Variants in FRYL observed in about 807,000 individuals in gnomAD.
The protein encoded by FRYL is FRY like transcription coactivator, also known as protein furry homolog-like.
Under a neutral mutation model 351.2 loss-of-function variants are expected in FRYL, and 150 were observed. The observed-to-expected ratio is 0.43, with a 90% CI of 0.37 to 0.49. FRYL has a LOEUF of 0.49. Among genes scored for constraint, FRYL ranks in the 20% least tolerant of loss-of-function variants. The pLI is 0.00. For missense variants in FRYL, 3,036 were observed against 3,619.3 expected (o/e 0.84, Z 4.13); for synonymous variants, 1,153 against 1,257.1 (o/e 0.92, Z 1.75).
At chr4:48,769,821 G>A (rs1775329221) in intron 1 of FRYL, among the ~76,000 whole-genome samples, 1 of 152,168 alleles carries the variant, frequency 6.6e-6, no homozygotes, top group East Asian at 1.9e-4. Context: ...AAAGTCAATC[G>A]CAAAAGGTTA....
At chr4:48,526,145 A>AT (rs1726177902) in intron 53 of FRYL, among the ~76,000 whole-genome samples, 1 of 152,174 alleles carries the variant, frequency 6.6e-6, no homozygotes. Context: ...TATGAATAGT[A>AT]TATGTATATG....
intron 35 of FRYL, among the ~76,000 whole-genome samples, chr4:48,556,670 C>T (rs1161939574): frequency 6.6e-6 from 1 of 152,064 alleles, no homozygotes; most frequent in African/African-American, 2.4e-5. Flanking sequence ...TTTTTATAGC[C>T]TTTATCACAC....
At chr4:48,714,335 C>T (rs4695399) in intron 1 of FRYL, among the ~76,000 whole-genome samples, 128,378 of 130,742 alleles carry the variant, frequency 0.98, 63,069 homozygotes, top group South Asian at 1. Flanking sequence ...ATCCAGGAGC[C>T]GGTTTTTTGA....
intron 47 of FRYL, among the ~76,000 whole-genome samples, chr4:48,537,208 T>C (rs563459295): frequency 5.5e-4 from 84 of 152,330 alleles, no homozygotes; most frequent in Non-Finnish European, 1.1e-3. Flanking sequence ...ATTCTTACAT[T>C]CTTAAATAAT....
At chr4:48,710,452 G>A in intron 2 of FRYL, 67 bp downstream of exon 2, 1 of 398,458 alleles carries the variant, frequency 2.5e-6, no homozygotes, top group South Asian at 1.3e-4. Context: ...AGCAAAAAGT[G>A]CAGGTATTAA....
chr4:48,645,127 T>TATATATATATATATATAC (rs1404758333), intron 3 of FRYL, among the ~76,000 whole-genome samples: 2 of 14,268 alleles, frequency 1.4e-4, no homozygotes, highest in African/African-American at 7.5e-4. Context: ...TTTCATTTTA[T>TATATATATATATATATAC]ATATATATAT....
chr4:48,587,063 C>T (rs1214974335), intron 18 of FRYL, among the ~76,000 whole-genome samples: 1 of 151,572 alleles, frequency 6.6e-6, no homozygotes, highest in Non-Finnish European at 1.5e-5. Context: ...TAGCCTCCCA[C>T]AAATAATATT....
At chr4:48,660,543 TA>T (rs1760485428) in intron 3 of FRYL, among the ~76,000 whole-genome samples, 1 of 152,172 alleles carries the variant, frequency 6.6e-6, no homozygotes, top group Non-Finnish European at 1.5e-5. Context: ...ATAGCTCCAA[TA>T]AAAACCCTGA....
In FRYL at chr4:48,515,203, G is replaced by A; in HGVS notation, c.7762C>T (p.Gln2588Ter). The A allele has an allele frequency of 6.2e-7, 1 of 1,613,104 alleles. No homozygotes were observed. Among genetic ancestry groups the A allele is most frequent in the Non-Finnish European group, 8.5e-7 (1 of 1,179,130 alleles). The change falls in exon 56 of 64, where the codon CAG becomes TAG. Residue 2588 changes from glutamine (Q) to a stop codon, truncating the protein, a stop_gained. Coordinates refer to ENST00000358350, the MANE Select transcript of FRYL (RefSeq NM_015030.2). LOFTEE classifies it high-confidence loss of function. ...CCTTGACACACAAGAGATTCCTGCT[G>A]TTCTTGAATTATATAGGATCCTTCA... ...EDEGSYIIQE[Q>*]QESLVCQGIL...
chr4:48,593,413 C>T (rs1178210320), intron 16 of FRYL, among the ~76,000 whole-genome samples: 1 of 151,902 alleles, frequency 6.6e-6, no homozygotes, highest in South Asian at 2.1e-4. Context: ...GGCTTGATCT[C>T]GACTCACCGC....
intron 1 of FRYL, among the ~76,000 whole-genome samples, chr4:48,711,903 G>A (rs1425950027): frequency 5.3e-5 from 8 of 152,152 alleles, no homozygotes; most frequent in East Asian, 3.9e-4. Flanking sequence ...CAGCATTTGC[G>A]GTTCACGAAA....
chr4:48,722,397 A>G (rs1769586897), intron 1 of FRYL, among the ~76,000 whole-genome samples: 2 of 152,206 alleles, frequency 1.3e-5, no homozygotes, highest in African/African-American at 2.4e-5. Context: ...ACGTTTTATT[A>G]AAACCCAAGA....
At chr4:48,525,163 G>GTATATATATATATA (rs57457069) in intron 53 of FRYL, among the ~76,000 whole-genome samples, 4 of 139,894 alleles carry the variant, frequency 2.9e-5, no homozygotes, top group African/African-American at 1.1e-4. Flanking sequence ...ATTTTTAAAG[G>GTATATATATATATA]TATATATATA....
At chr4:48,666,686 T>A (rs1468662747) in intron 3 of FRYL, among the ~76,000 whole-genome samples, 1 of 152,130 alleles carries the variant, frequency 6.6e-6, no homozygotes, top group East Asian at 1.9e-4. Flanking sequence ...TAACAGGAAA[T>A]TTTGGAAGCC....
At chr4:48,622,106 CA>C (rs376518116) in intron 5 of FRYL, among the ~76,000 whole-genome samples, 5 of 150,198 alleles carry the variant, frequency 3.3e-5, no homozygotes, top group African/African-American at 1.2e-4. Context: ...AGCACCCTTA[CA>C]AAAAAAAATC....
chr4:48,771,107 T>C (rs1207602777), intron 1 of FRYL, among the ~76,000 whole-genome samples: 1 of 152,186 alleles, frequency 6.6e-6, no homozygotes, highest in Non-Finnish European at 1.5e-5. Context: ...CCTAAGGACA[T>C]TCTAGCTCCA....
chr4:48,558,328 C>G (rs1257918833), intron 33 of FRYL, among the ~76,000 whole-genome samples: 1 of 152,092 alleles, frequency 6.6e-6, no homozygotes, highest in African/African-American at 2.4e-5. Flanking sequence ...CAATCACAAA[C>G]AAAAATACAA....
At chr4:48,614,827 T>C (rs1405950850) in intron 7 of FRYL, among the ~76,000 whole-genome samples, 14 of 2,172 alleles carry the variant, frequency 6.4e-3, no homozygotes, top group African/African-American at 0.014. Context: ...TTTTTTTTTT[T>C]TTTTTTTTTT....
At chr4:48,637,188 A>G (rs1473318062) in intron 3 of FRYL, 1 of 152,166 alleles carries the variant, frequency 6.6e-6, no homozygotes, top group African/African-American at 2.4e-5. Flanking sequence ...AGTTACAAAC[A>G]ATAAAATGGA....
Sources: gnomAD v4.1 joint callset for allele counts (sites outside exome capture counted in the v4.1 genomes callset) on GRCh38, gnomAD v4.1.1 for gene constraint, MANE v1.5 for transcripts, NCBI Gene and HGNC (gene_info 2026-07-23, HGNC 2026-07-21) for gene names.